The following GPR143 variants were observed in gnomAD, a reference collection of about 807,000 sequenced individuals.
The protein encoded by GPR143 is G-protein coupled receptor 143.
In GPR143, 8 loss-of-function variants were observed where a neutral mutation model predicts 27.6. The observed-to-expected ratio is 0.29, with a 90% CI of 0.17 to 0.52. The LOEUF is 0.52. Ranked by LOEUF, GPR143 falls within the 20% of genes least tolerant of loss-of-function variation. The pLI is 0.96. For synonymous variants in GPR143, 156 were observed against 153.2 expected, an observed-to-expected ratio of 1.02 and a Z score of -0.13; for missense variants, 303 against 343.1, an observed-to-expected ratio of 0.88 and a Z score of 0.92.
At chrX:9,726,077 G>A in intron 8 of GPR143, 1 of 566,456 alleles carries the variant, frequency 1.8e-6, no homozygotes, top group South Asian at 9.3e-5. Flanking sequence ...GATGACACAA[G>A]CCCTACAGAA....
intron 7 of GPR143, among the ~76,000 whole-genome samples, 193 bp from the exon 8 acceptor site, chrX:9,739,912 A>G (rs1483555604): frequency 9.0e-6 from 1 of 111,240 alleles, no homozygotes; most frequent in Non-Finnish European, 1.9e-5. Flanking sequence ...GATTGGCCAC[A>G]GTAGGTGCTG....
chrX:9,770,138 C>CCTG (rs1283106951), upstream of GPR143, among the ~76,000 whole-genome samples: 2 of 77,376 alleles, frequency 2.6e-5, no homozygotes, highest in Non-Finnish European at 4.6e-5. Flanking sequence ...ATAGGGAGAC[C>CCTG]CTGTCCCCCA....
intron 3 of GPR143, among the ~76,000 whole-genome samples, chrX:9,752,764 T>C (rs930540732): frequency 9.0e-6 from 1 of 110,971 alleles, no homozygotes; most frequent in Non-Finnish European, 1.9e-5. Context: ...GAGGATTGCT[T>C]GAGCCCAGGA....
chrX:9,743,218 CAAAAAAAAA>C (rs35238066), intron 6 of GPR143, among the ~76,000 whole-genome samples: 1 of 37,269 alleles, frequency 2.7e-5, no homozygotes, highest in African/African-American at 1.1e-4. Flanking sequence ...GACCCTGTCT[CAAAAAAAAA>C]AAAAAAAAAA....
intron 8 of GPR143, among the ~76,000 whole-genome samples, chrX:9,733,553 G>A (rs2083365318): frequency 8.9e-6 from 1 of 111,851 alleles, no homozygotes; most frequent in Admixed American, 9.5e-5. Context: ...AAAAGGGATT[G>A]TGGGAGAAAC....
chrX:9,733,853 G>A (rs754515492), intron 8 of GPR143, among the ~76,000 whole-genome samples: 5 of 110,918 alleles, frequency 4.5e-5, no homozygotes, highest in Admixed American at 1.9e-4. Flanking sequence ...AGGCCGAGGC[G>A]GGCAGATCAC....
chrX:9,770,702 C>G (rs977582739), upstream of GPR143, among the ~76,000 whole-genome samples: 4 of 111,488 alleles, frequency 3.6e-5, no homozygotes, highest in African/African-American at 1.3e-4. Context: ...ATGAATGGCA[C>G]TGCTCTTAAT....
At chrX:9,730,103 T>C (rs1371693957) in intron 8 of GPR143, among the ~76,000 whole-genome samples, 4 of 112,725 alleles carry the variant, frequency 3.5e-5, no homozygotes, top group South Asian at 3.6e-4. Context: ...GGTGTGTAGT[T>C]GGGTATACCC....
intron 3 of GPR143, 47 bp from the exon 4 acceptor site, chrX:9,748,713 G>T: frequency 2.2e-6 from 2 of 917,922 alleles, no homozygotes; most frequent in Non-Finnish European, 3.2e-6. Flanking sequence ...GGGCACAGAG[G>T]CCTGCCTGGA....
intron 8 of GPR143, among the ~76,000 whole-genome samples, chrX:9,733,294 A>T (rs959592655): frequency 2.7e-5 from 3 of 111,978 alleles, no homozygotes; most frequent in African/African-American, 9.7e-5. Flanking sequence ...GTTGTGGGAG[A>T]CTGAAGGTAC....
rs759315924 is a variant in GPR143, at chrX:9,739,655, C to A, written c.950G>T (p.Ser317Ile). ...CTTCCTGGGAGACTGAAAACCCAGGCTGCATCCTGTCCAGCCGTAGAAGGC... is the reference window on the plus strand; with the variant it reads ...CTTCCTGGGAGACTGAAAACCCAGGATGCATCCTGTCCAGCCGTAGAAGGC... The part of the protein sequence containing the change: ...SLAFYGWTGC[S>I]LGFQSPRKEI... The change falls in exon 8 of 9, where the codon AGC becomes ATC. Residue 317 changes from serine (S) to isoleucine (I), a missense_variant. Physicochemically the swap from Ser to Ile is moderately radical, Grantham distance 142 (BLOSUM62 -2). Coordinates refer to ENST00000467482, the MANE Select transcript of GPR143 (RefSeq NM_000273.3). 37 of 1,197,854 alleles carry A rather than the reference C, an allele frequency of 3.1e-5. No homozygotes were observed. The South Asian group carries it at 5.1e-4, about 16-fold the overall frequency.
At chrX:9,774,528 G>T (rs1346364970) in intron 1 of GPR143, among the ~76,000 whole-genome samples, 18 of 112,403 alleles carry the variant, frequency 1.6e-4, no homozygotes, top group African/African-American at 5.5e-4. Flanking sequence ...TGGCCCTTCA[G>T]CCTCCCTGAG....
upstream of GPR143, among the ~76,000 whole-genome samples, chrX:9,768,137 T>A (rs1782095586): frequency 1.8e-5 from 2 of 111,712 alleles, no homozygotes; most frequent in Non-Finnish European, 3.8e-5. Flanking sequence ...ATGGCACAGA[T>A]GACAATGGTA....
At chrX:9,748,453 T>G in intron 4 of GPR143, 121 bp downstream of exon 4, 1 of 535,416 alleles carries the variant, frequency 1.9e-6, no homozygotes, top group Non-Finnish European at 3.4e-6. Context: ...CATGTGGCCC[T>G]GAGACAACGG....
chrX:9,772,833 A>C, intron 1 of GPR143, among the ~76,000 whole-genome samples: 1 of 108,003 alleles, frequency 9.3e-6, no homozygotes, highest in South Asian at 4.0e-4. Flanking sequence ...AAAAAAAAAA[A>C]AAAGACATTG....
chrX:9,750,401 G>A (rs1381284663), intron 3 of GPR143, among the ~76,000 whole-genome samples: 2 of 109,492 alleles, frequency 1.8e-5, no homozygotes, highest in East Asian at 5.7e-4. Flanking sequence ...GTAGAGATGG[G>A]TCTTACTATG....
At chrX:9,748,463 G>A in intron 4 of GPR143, 111 bp downstream of exon 4, 1 of 555,408 alleles carries the variant, frequency 1.8e-6, no homozygotes, top group South Asian at 2.4e-5. Context: ...TGAGACAACG[G>A]CCTAACCTCC....
chrX:9,743,000 G>A (rs111271576), intron 6 of GPR143, among the ~76,000 whole-genome samples: 18 of 110,886 alleles, frequency 1.6e-4, no homozygotes, highest in African/African-American at 5.3e-4. Context: ...CCAGCTACTC[G>A]GGAGGCTGAG....
Position 9,760,001 on chromosome X carries a change from G to A in GPR143, c.361-575C>T, listed in dbSNP as rs766069963. On this transcript the variant is annotated intron_variant, in intron 2 of 8. Transcript: ENST00000467482. ...TCACTCACCTGAGCACCACCGTGAC[G>A]GATGGAGCATAACATACATGTGTAT... Among the ~76,000 whole-genome samples the A allele has an allele frequency of 5.3e-5, 6 of 112,215 alleles. No homozygotes were observed. In the South Asian group the frequency reaches 1.9e-3, roughly 36 times the overall value.
Sources: allele counts gnomAD v4.1 joint callset (sites outside exome capture counted in the v4.1 genomes callset), GRCh38; gene constraint gnomAD v4.1.1; transcripts MANE v1.5; gene names NCBI Gene and HGNC (gene_info 2026-07-23, HGNC 2026-07-21).